The following EPB41L3 variants were observed in gnomAD, a reference collection of about 807,000 sequenced individuals.
EPB41L3 encodes the protein band 4.1-like protein 3.
Under a neutral mutation model 127.1 loss-of-function variants are expected in EPB41L3, and 57 were observed. That is an observed-to-expected ratio of 0.45 (90% CI 0.36 to 0.56). The LOEUF (loss-of-function observed/expected upper bound fraction) is 0.56. Among genes scored for constraint, EPB41L3 ranks in the 20% least tolerant of loss-of-function variants. EPB41L3 has a pLI of 0.00. For missense variants in EPB41L3, 1,273 were observed against 1,372.2 expected (o/e 0.93, Z 1.14); for synonymous variants, 572 against 549.5 (o/e 1.04, Z -0.57).
At chr18:5,437,967 C>A in intron 6 of EPB41L3, 68 bp downstream of exon 6, 6 of 1,461,272 alleles carry the variant, frequency 4.1e-6, no homozygotes, top group Non-Finnish European at 5.7e-6. Context: ...CACGCTCTTT[C>A]CGGAGCATTT....
intron 1 of EPB41L3, among the ~76,000 whole-genome samples, chr18:5,622,266 C>T (rs938462233): frequency 6.6e-6 from 1 of 152,098 alleles, no homozygotes; most frequent in African/African-American, 2.4e-5. Context: ...CATTATATGA[C>T]AAAAAGATAC....
At chr18:5,436,326 C>G (rs2079783066) in intron 6 of EPB41L3, among the ~76,000 whole-genome samples, 1 of 151,826 alleles carries the variant, frequency 6.6e-6, no homozygotes, top group African/African-American at 2.4e-5. Context: ...ACAAAAAAAT[C>G]CTTAAACATT....
At chr18:5,592,198 G>A (rs899200181) in intron 3 of EPB41L3, among the ~76,000 whole-genome samples, 10 of 152,010 alleles carry the variant, frequency 6.6e-5, no homozygotes, top group East Asian at 1.9e-4. Flanking sequence ...ACAGAGTCTC[G>A]CTCTGTCACC....
intron 3 of EPB41L3, 57 bp downstream of exon 3, chr18:5,478,184 C>T: frequency 1.3e-6 from 2 of 1,502,382 alleles, no homozygotes; most frequent in Non-Finnish European, 1.8e-6. Context: ...ATATTTTATA[C>T]CAACATTCCC....
intron 13 of EPB41L3, 118 bp downstream of exon 13, chr18:5,415,700 G>A: frequency 9.2e-7 from 1 of 1,085,522 alleles, no homozygotes; most frequent in Non-Finnish European, 1.3e-6. Flanking sequence ...CAACATATTG[G>A]CACAGACAAT....
intron 3 of EPB41L3, among the ~76,000 whole-genome samples, chr18:5,581,828 C>T (rs192223035): frequency 6.6e-6 from 1 of 152,232 alleles, no homozygotes; most frequent in East Asian, 1.9e-4. Context: ...GAGACTCTAT[C>T]TCTACAAAAA....
chr18:5,624,962 A>G (rs1316688629), intron 1 of EPB41L3, among the ~76,000 whole-genome samples: 1 of 152,152 alleles, frequency 6.6e-6, no homozygotes, highest in Non-Finnish European at 1.5e-5. Flanking sequence ...AAGGGGAGGA[A>G]GGGCATTTCA....
chr18:5,561,097 C>T (rs996782219), intron 3 of EPB41L3, among the ~76,000 whole-genome samples: 2 of 148,710 alleles, frequency 1.3e-5, no homozygotes, highest in African/African-American at 5.0e-5. Context: ...CCTGCCTCAG[C>T]CTCCCGAGTA....
At chr18:5,447,674 G>A (rs895116306) in intron 3 of EPB41L3, among the ~76,000 whole-genome samples, 6 of 152,012 alleles carry the variant, frequency 3.9e-5, no homozygotes, top group Non-Finnish European at 5.9e-5. Context: ...TATGCTGCAG[G>A]CGCCCTGGTT....
intron 3 of EPB41L3, among the ~76,000 whole-genome samples, chr18:5,561,095 A>G (rs899401938): frequency 6.7e-6 from 1 of 148,288 alleles, no homozygotes; most frequent in African/African-American, 2.5e-5. Flanking sequence ...CTCCTGCCTC[A>G]GCCTCCCGAG....
chr18:5,588,419 T>C (rs1263586802), intron 3 of EPB41L3, among the ~76,000 whole-genome samples: 1 of 152,008 alleles, frequency 6.6e-6, no homozygotes, highest in Non-Finnish European at 1.5e-5. Flanking sequence ...ATACACAAAC[T>C]ACATATACTT....
rs572951088 is a variant in EPB41L3, at chr18:5,425,736, A to G, written c.1066-1377T>C. ...TAAATAGGATTGTAAAAGCAGAGAG[A>G]AGAGGAGTGAAAAACCAGCTCTCTC... On this transcript the variant is annotated intron_variant, in intron 9 of 22. Transcript: ENST00000341928. 3.1e-4 allele frequency among the ~76,000 whole-genome samples: 47 copies of G among 152,264 alleles called. No individual in the cohort carries two copies. In the South Asian group the frequency reaches 9.5e-3, roughly 31 times the overall value.
intron 3 of EPB41L3, among the ~76,000 whole-genome samples, chr18:5,564,271 T>A (rs1205238458): frequency 6.6e-6 from 1 of 152,196 alleles, no homozygotes; most frequent in Non-Finnish European, 1.5e-5. Context: ...TTTACTGATG[T>A]CTTACAGGTA....
At chr18:5,451,940 G>C (rs1358477671) in intron 3 of EPB41L3, among the ~76,000 whole-genome samples, 1 of 152,184 alleles carries the variant, frequency 6.6e-6, no homozygotes, top group Admixed American at 6.5e-5. Flanking sequence ...CCGGGTCCAA[G>C]TGATTCTCTT....
At chr18:5,585,764 T>C (rs1298903206) in intron 3 of EPB41L3, among the ~76,000 whole-genome samples, 1 of 152,212 alleles carries the variant, frequency 6.6e-6, no homozygotes, top group Non-Finnish European at 1.5e-5. Flanking sequence ...TCTGACCCTC[T>C]GGTGTGGGTT....
At position 5,416,254 on chromosome 18, in the gene EPB41L3, G is replaced by C; in HGVS notation, c.1631C>G (p.Pro544Arg). 6.2e-7 allele frequency: 1 copy of C among 1,614,124 alleles called. No individual in the cohort carries two copies. Among genetic ancestry groups the C allele is most frequent in the Non-Finnish European group, 8.5e-7 (1 of 1,180,024 alleles). The change falls in exon 13 of 23, where the codon CCG (proline) becomes CGG (arginine). Residue 544 changes from proline (P) to arginine (R), a missense_variant. Transcript: ENST00000341928. Reference sequence around the variant, plus strand: ...TCCAGGCAGGTGCTCAGCTCTGGACGGCTCATAACCTGGCAGTTTGCAGTC... The same window carrying C: ...TCCAGGCAGGTGCTCAGCTCTGGACCGCTCATAACCTGGCAGTTTGCAGTC... Reference protein sequence around the residue: ...ENDCKLPGYEPSRAEHLPGEP... With the variant: ...ENDCKLPGYERSRAEHLPGEP...
Position 5,556,516 on chromosome 18 carries a change from A to G in EPB41L3, c.-306+55824T>C, listed in dbSNP as rs1419984647. ...GGGAGAATGACTCAACTATTCTTCAATTCAGAGGATCAGACTCTAAACTTT... is the reference window on the plus strand; with the variant it reads ...GGGAGAATGACTCAACTATTCTTCAGTTCAGAGGATCAGACTCTAAACTTT... On this transcript the variant is annotated intron_variant, in intron 3 of 21. Transcript: ENST00000545076. Among the ~76,000 whole-genome samples, 8 of 152,300 alleles carry G rather than the reference A, an allele frequency of 5.3e-5. No homozygotes were observed. The South Asian group carries it at 6.2e-4, about 12-fold the overall frequency.
chr18:5,620,413 C>T (rs1393085142), intron 1 of EPB41L3, among the ~76,000 whole-genome samples: 1 of 152,132 alleles, frequency 6.6e-6, no homozygotes, highest in Non-Finnish European at 1.5e-5. Flanking sequence ...GTACCAGACA[C>T]AAAACAAAAC....
chr18:5,516,570 A>G (rs2092758871), intron 1 of EPB41L3, among the ~76,000 whole-genome samples: 1 of 152,236 alleles, frequency 6.6e-6, no homozygotes, highest in Non-Finnish European at 1.5e-5. Flanking sequence ...AACCACTGTG[A>G]ACTTCCAGCA....
Sources: allele counts gnomAD v4.1 joint callset (sites outside exome capture counted in the v4.1 genomes callset), GRCh38; gene constraint gnomAD v4.1.1; transcripts MANE v1.5; gene names NCBI Gene and HGNC (gene_info 2026-07-23, HGNC 2026-07-21).